SAE1: variants seen among roughly 807,000 people sequenced by gnomAD.
The protein encoded by SAE1 is SUMO-activating enzyme subunit 1.
A neutral mutation model predicts 40.6 loss-of-function variants in SAE1; 11 were observed. That is an observed-to-expected ratio of 0.27 (90% CI 0.17 to 0.45). The LOEUF is 0.45. Ranked by LOEUF, SAE1 falls within the 20% of genes least tolerant of loss-of-function variation. SAE1 has a pLI of 1.00. For synonymous variants in SAE1, 155 were observed against 154.3 expected (o/e 1.00, Z -0.03); for missense variants, 373 against 427.3 (o/e 0.87, Z 1.12).
chr19:47,145,783 T>C (rs1168892275), intron 2 of SAE1, among the ~76,000 whole-genome samples: 4 of 152,124 alleles, frequency 2.6e-5, no homozygotes. Flanking sequence ...ACAGTGCGAT[T>C]CTGACACCAC....
At position 47,149,626 on chromosome 19, in the gene SAE1, TAGA is replaced by T. The variant is rs558213711; in HGVS notation, c.211-568_211-566del. ...ATTTGTTAGCAGTTACAAATTTGCA[TAGA>T]AGAAGAAAGCATGGATTTTTTTGTT... is the stretch of plus-strand genomic sequence containing the variant. On this transcript the variant is annotated intron_variant, in intron 2 of 8. Coordinates refer to ENST00000270225, the MANE Select transcript of SAE1 (RefSeq NM_005500.3). Among the ~76,000 whole-genome samples the T allele has an allele frequency of 4.9e-3, 753 of 152,290 alleles. 9 individuals carry two copies. The highest frequency in any genetic ancestry group is 0.018 in the African/African-American group (731 of 41,554).
chr19:47,158,744 G>C (rs1198244028), intron 5 of SAE1, among the ~76,000 whole-genome samples: 6 of 152,178 alleles, frequency 3.9e-5, no homozygotes, highest in African/African-American at 1.4e-4. Flanking sequence ...ATCCAGTCTT[G>C]TTGTCCCCAT....
intron 1 of SAE1, among the ~76,000 whole-genome samples, chr19:47,139,586 CTTTTTTTTT>C (rs71179299): frequency 8.1e-6 from 1 of 122,804 alleles, no homozygotes; most frequent in Non-Finnish European, 1.7e-5. Context: ...GAATGTGTAT[CTTTTTTTTT>C]TTTTTTTTTT....
intron 7 of SAE1, among the ~76,000 whole-genome samples, chr19:47,199,419 C>CAATAGAGTG (rs1228911428): frequency 3.5e-5 from 5 of 144,072 alleles, no homozygotes; most frequent in Admixed American, 2.1e-4. Context: ...AAAAAGGCAG[C>CAATAGAGTG]AATAGAGTGG....
chr19:47,202,194 A>G (rs1020905300), intron 7 of SAE1, among the ~76,000 whole-genome samples: 1 of 152,206 alleles, frequency 6.6e-6, no homozygotes, highest in Non-Finnish European at 1.5e-5. Context: ...GTCAAGATGT[A>G]TGATTACAGT....
At chr19:47,165,699 C>A (rs961282625) in intron 5 of SAE1, among the ~76,000 whole-genome samples, 3 of 152,170 alleles carry the variant, frequency 2.0e-5, no homozygotes, top group African/African-American at 4.8e-5. Context: ...CCACCTTTTG[C>A]ATCTGCTGCT....
At chr19:47,148,407 G>A (rs1222297935) in intron 2 of SAE1, among the ~76,000 whole-genome samples, 1 of 151,958 alleles carries the variant, frequency 6.6e-6, no homozygotes, top group Non-Finnish European at 1.5e-5. Flanking sequence ...GGTGAAGGTG[G>A]CAAGGTTATT....
intron 6 of SAE1, among the ~76,000 whole-genome samples, chr19:47,178,838 G>A (rs1376331533): frequency 1.3e-5 from 2 of 152,108 alleles, no homozygotes; most frequent in Non-Finnish European, 2.9e-5. Flanking sequence ...GAAGCAGGGA[G>A]GAAAAAGGAG....
At chr19:47,187,309 G>A (rs533822069) in intron 6 of SAE1, among the ~76,000 whole-genome samples, 9 of 152,268 alleles carry the variant, frequency 5.9e-5, no homozygotes, top group East Asian at 1.9e-4. Context: ...CAGATGCAAC[G>A]GTGAAAGTGG....
At chr19:47,183,325 AGTCATTT>A (rs1225109754) in intron 6 of SAE1, among the ~76,000 whole-genome samples, 2 of 152,016 alleles carry the variant, frequency 1.3e-5, no homozygotes, top group Non-Finnish European at 2.9e-5. Context: ...GGAAGGGCTA[AGTCATTT>A]GTCCAGGGTC....
In SAE1 at chr19:47,155,201, G is replaced by GATGGTCAAA. The variant is rs1568591492; in HGVS notation, c.617_625dup (p.Met206_Lys208dup). The GATGGTCAAA allele has an allele frequency of 6.2e-7, 1 of 1,612,986 alleles. No homozygotes were observed. The highest frequency in any genetic ancestry group is 8.5e-7 in the Non-Finnish European group (1 of 1,179,050). On this transcript the variant is annotated inframe_insertion, in exon 5 of 9. Transcript: ENST00000270225. ...CAAAACTTGATTCTTCTGAGACAAC[G>GATGGTCAAA]ATGGTCAAAAAGGTATGTGTAACGT...
chr19:47,195,080 A>G (rs1231735039), intron 6 of SAE1, among the ~76,000 whole-genome samples: 1 of 146,292 alleles, frequency 6.8e-6, no homozygotes, highest in Non-Finnish European at 1.5e-5. Context: ...TCTGAGATGA[A>G]GTCTCACTCT....
At chr19:47,170,690 T>C (rs2123254392) in intron 6 of SAE1, among the ~76,000 whole-genome samples, 1 of 152,076 alleles carries the variant, frequency 6.6e-6, no homozygotes, top group East Asian at 1.9e-4. Flanking sequence ...TATTTTTTTG[T>C]AGAAGCGAAG....
At chr19:47,201,091 GA>G (rs2058651508) in intron 7 of SAE1, among the ~76,000 whole-genome samples, 1 of 150,960 alleles carries the variant, frequency 6.6e-6, no homozygotes, top group South Asian at 2.1e-4. Context: ...ACCCAAGCTA[GA>G]GTGCAATGGC....
In SAE1 at chr19:47,204,509, C is replaced by T. The variant is rs369768067; in HGVS notation, c.948+769C>T. 4.5e-3 allele frequency among the ~76,000 whole-genome samples: 513 copies of T among 112,984 alleles called. 13 individuals carry two copies. Among genetic ancestry groups the T allele is most frequent in the African/African-American group, 0.016 (464 of 29,554 alleles). 74.1% of individuals were successfully genotyped at this position (112,984 alleles called of 152,430 possible). ...CACTGTACCCAGCCGCACCCCCCCC[C>T]TTTTTTTTTTTTTTTGAGACAGAAT... On this transcript the variant is annotated intron_variant, in intron 8 of 8. Coordinates refer to ENST00000270225, the MANE Select transcript of SAE1 (RefSeq NM_005500.3).
At chr19:47,188,814 G>A (rs527784690) in intron 6 of SAE1, among the ~76,000 whole-genome samples, 1 of 152,152 alleles carries the variant, frequency 6.6e-6, no homozygotes, top group Admixed American at 6.5e-5. Flanking sequence ...CCAGGGACAG[G>A]CTTTGCAGAG....
Position 47,169,909 on chromosome 19 carries a change from A to G in SAE1, c.719A>G (p.Tyr240Cys), listed in dbSNP as rs760694008. 9.9e-6 allele frequency: 16 copies of G among 1,613,512 alleles called. No individual in the cohort carries two copies. The highest frequency in any genetic ancestry group is 1.6e-4 in the Middle Eastern group (1 of 6,080). The change falls in exon 6 of 9, where the codon TAC becomes TGC. Residue 240 changes from tyrosine to cysteine, a missense_variant. Physicochemically the swap from Tyr to Cys is radical, Grantham distance 194 (BLOSUM62 -2). Transcript: ENST00000270225. ...GCTCTGAAGCGCACGACCTCCGACT[A>G]CTTTCTCCTTCAAGGTGAGGTCTCA... ...KAALKRTTSD[Y>C]FLLQVLLKFR...
At chr19:47,185,000 A>G (rs1370687169) in intron 6 of SAE1, among the ~76,000 whole-genome samples, 2 of 150,240 alleles carry the variant, frequency 1.3e-5, no homozygotes, top group African/African-American at 4.9e-5. Flanking sequence ...TTGTAGTTTT[A>G]GTAGAGATGA....
At position 47,198,314 on chromosome 19, in the gene SAE1, GT is replaced by G. The variant is rs952967743; in HGVS notation, c.878+939del. On this transcript the variant is annotated intron_variant, in intron 7 of 8. Transcript: ENST00000270225. ...TTTTAGTAGAGATGGGGTTTTCCAT[GT>G]TGGCCAGGCAGGTCTTGAACTCTTG... Among the ~76,000 whole-genome samples, 254 of 152,138 alleles carry G rather than the reference GT, an allele frequency of 1.7e-3. 1 individual carries two copies. The highest frequency in any genetic ancestry group is 5.8e-3 in the African/African-American group (242 of 41,514).
Sources: allele counts gnomAD v4.1 joint callset (sites outside exome capture counted in the v4.1 genomes callset), GRCh38; gene constraint gnomAD v4.1.1; transcripts MANE v1.5; gene names NCBI Gene and HGNC (gene_info 2026-07-23, HGNC 2026-07-21).